AKAP9: variants seen among roughly 807,000 people sequenced by gnomAD.
AKAP9 encodes A-kinase anchoring protein 9, also known as A-kinase anchor protein 9.
In AKAP9, 311 loss-of-function variants were observed where a neutral mutation model predicts 488.5. That is an observed-to-expected ratio of 0.64 (90% confidence interval 0.58 to 0.70). The LOEUF (loss-of-function observed/expected upper bound fraction) is 0.70, where lower values mean the gene tolerates loss of function less well. AKAP9 is among the 30% of genes least tolerant of loss of function. The probability of loss-of-function intolerance (pLI) is 0.00; values close to 1 mark genes in which losing one functional copy is unlikely to be tolerated. For synonymous variants in AKAP9, 1,462 were observed against 1,483.5 expected (o/e 0.99, Z 0.33); for missense variants, 4,215 against 4,374.5 (o/e 0.96, Z 1.03).
chr7:91,973,257 C>T (rs1795299670), intron 1 of AKAP9, among the ~76,000 whole-genome samples: 1 of 152,126 alleles, frequency 6.6e-6, no homozygotes, highest in Non-Finnish European at 1.5e-5. Context: ...TGACATGTTC[C>T]TGTAGTCCCA....
At chr7:92,008,713 G>A (rs1439480516) in intron 8 of AKAP9, among the ~76,000 whole-genome samples, 7 of 151,130 alleles carry the variant, frequency 4.6e-5, no homozygotes, top group East Asian at 2.0e-4. Context: ...TGGGCCAGGC[G>A]CGGTGGCTCA....
At chr7:92,043,393 T>A (rs1806434519) in intron 20 of AKAP9, 1 of 886,900 alleles carries the variant, frequency 1.1e-6, no homozygotes, top group Non-Finnish European at 1.4e-6. Flanking sequence ...AAAATTAGAG[T>A]TACCACGGCA....
intron 29 of AKAP9, among the ~76,000 whole-genome samples, chr7:92,077,333 C>T (rs992123490): frequency 2.4e-4 from 37 of 151,830 alleles, no homozygotes; most frequent in African/African-American, 8.0e-4. Context: ...CCTCGTGATC[C>T]GCCTGTCTTG....
rs2130776645 is a variant in AKAP9 at position 92,038,532 on chromosome 7, A to G, written c.4452A>G (p.Glu1484=). ...SKQAHAVCQQ[E]QHYFNEMKLS... is the part of the protein sequence containing the mutation. The stretch of plus-strand genomic sequence containing the variant: ...AAGCACATGCTGTGTGTCAGCAAGA[A>G]CAACATTATTTTAATGAAATGAAAT... Residue 1484 remains glutamate, a synonymous_variant, in exon 17 of 50, where the codon GAA becomes GAG. Transcript: ENST00000356239. 2 of 1,613,924 alleles carry G rather than the reference A, an allele frequency of 1.2e-6. No individual in the cohort carries two copies. Among genetic ancestry groups the G allele is most frequent in the East Asian group, 2.2e-5 (1 of 44,810 alleles).
chr7:92,092,054 A>G (rs1232231959), intron 38 of AKAP9: 2 of 152,198 alleles, frequency 1.3e-5, no homozygotes, highest in Non-Finnish European at 2.9e-5. Context: ...TGAATCACCT[A>G]AATCCTAAAA....
Position 92,083,650 on chromosome 7 carries a change from A to G in AKAP9, c.8641A>G (p.Lys2881Glu). 6.2e-7 allele frequency: 1 copy of G among 1,611,208 alleles called. No individual in the cohort carries two copies. The highest frequency in any genetic ancestry group is 1.1e-5 in the South Asian group (1 of 90,116). ...GGCAGTGATACAGTGTCTGAGAAGT[A>G]AAGAGGTATTTGGTTTTTATAATAT... The part of the protein sequence containing the change: ...LKAVIQCLRS[K>E]EGSSIPELAH... Residue 2881 changes from lysine (K) to glutamate (E), a missense_variant, in exon 33 of 50, where the codon AAA becomes GAA. Physicochemically the swap from Lys to Glu is moderately conservative, Grantham distance 56 (BLOSUM62 1). Coordinates refer to ENST00000356239, the MANE Select transcript of AKAP9 (RefSeq NM_005751.5).
At chr7:92,044,086 A>G (rs888293067) in intron 20 of AKAP9, among the ~76,000 whole-genome samples, 34 of 152,160 alleles carry the variant, frequency 2.2e-4, no homozygotes, top group African/African-American at 8.2e-4. Flanking sequence ...GTACAAAAAC[A>G]CTTTGTTCGG....
At chr7:92,012,357 CA>C (rs920076516) in intron 8 of AKAP9, 71 bp from the exon 9 acceptor site, 46 of 1,391,946 alleles carry the variant, frequency 3.3e-5, no homozygotes, top group Non-Finnish European at 4.0e-5. Context: ...TCAGTATATG[CA>C]AAAAAAAGAA....
chr7:92,028,295 T>TAAAAAAAAAAAAAAAA (rs57352733), intron 14 of AKAP9, among the ~76,000 whole-genome samples: 1 of 65,058 alleles, frequency 1.5e-5, no homozygotes, highest in Non-Finnish European at 2.6e-5. Flanking sequence ...CAATAAATAC[T>TAAAAAAAAAAAAAAAA]AAAAAAAAAA....
At chr7:92,000,058 C>A (rs1250819050) in intron 7 of AKAP9, among the ~76,000 whole-genome samples, 1 of 152,210 alleles carries the variant, frequency 6.6e-6, no homozygotes, top group African/African-American at 2.4e-5. Context: ...GACCTAGGGC[C>A]TCTGCTTGAC....
At chr7:92,093,448 A>C in intron 39 of AKAP9, 132 bp downstream of exon 39, 1 of 786,464 alleles carries the variant, frequency 1.3e-6, no homozygotes, top group Non-Finnish European at 2.1e-6. Flanking sequence ...TTTAGGAAAA[A>C]CTATAATAGA....
chr7:91,997,554 T>C (rs967270626), intron 7 of AKAP9, among the ~76,000 whole-genome samples: 2 of 151,932 alleles, frequency 1.3e-5, no homozygotes, highest in Admixed American at 1.3e-4. Context: ...TTAGATAGAG[T>C]GTGGAGTAGG....
rs753111193 is a variant in AKAP9 at position 92,070,124 on chromosome 7, GGAAT to G, written c.6429_6432del (p.Asn2143LysfsTer3). ...CAGCTTCAAAGGGATATACAAGAAA[GGAAT>G]GAAGAAATAGAGAAACTGGAGTTCA... is the stretch of plus-strand genomic sequence containing the variant. On this transcript the variant is annotated frameshift_variant, in exon 27 of 50. Transcript: ENST00000356239. LOFTEE classifies it high-confidence loss of function. 4 of 1,614,032 alleles carry G rather than the reference GGAAT, an allele frequency of 2.5e-6. No homozygotes were observed. Among genetic ancestry groups the G allele is most frequent in the Non-Finnish European group, 3.4e-6 (4 of 1,179,998 alleles).
chr7:92,068,630 T>C (rs1342360082), intron 26 of AKAP9, among the ~76,000 whole-genome samples: 2 of 152,048 alleles, frequency 1.3e-5, no homozygotes, highest in Non-Finnish European at 2.9e-5. Context: ...ACCATTTTAT[T>C]GTACCTACAT....
intron 1 of AKAP9, among the ~76,000 whole-genome samples, chr7:91,946,335 A>G (rs1363654502): frequency 3.3e-5 from 5 of 152,202 alleles, no homozygotes; most frequent in Middle Eastern, 3.4e-3. Context: ...TAGCTTCATC[A>G]ACATTTATTG....
chr7:92,057,396 A>G (rs952895376), intron 22 of AKAP9, among the ~76,000 whole-genome samples: 1 of 152,114 alleles, frequency 6.6e-6, no homozygotes, highest in South Asian at 2.1e-4. Flanking sequence ...TATCTTACAA[A>G]CATTATAAAC....
chr7:91,952,948 T>C (rs1259404101), intron 1 of AKAP9, among the ~76,000 whole-genome samples: 1 of 152,156 alleles, frequency 6.6e-6, no homozygotes, highest in Non-Finnish European at 1.5e-5. Flanking sequence ...GCCTCCTGAC[T>C]GAGGACTACA....
At position 91,993,001 on chromosome 7, in the gene AKAP9, A is replaced by G; in HGVS notation, c.522A>G (p.Leu174=). ...LAGKQHEIEE[L]NRELEEMRVT... Reference sequence around the variant, plus strand: ...GGAAGCAGCATGAGATTGAAGAGCTAAACAGAGAGCTGGAAGAAATGAGGG... The same window carrying G: ...GGAAGCAGCATGAGATTGAAGAGCTGAACAGAGAGCTGGAAGAAATGAGGG... Residue 174 remains leucine, a synonymous_variant, in exon 5 of 50, where the codon CTA becomes CTG. Transcript: ENST00000356239. 1 of 1,614,082 alleles carries G rather than the reference A, an allele frequency of 6.2e-7. No individual in the cohort carries two copies. Among genetic ancestry groups the G allele is most frequent in the African/African-American group, 1.3e-5 (1 of 75,042 alleles).
rs1017919431 is a variant in AKAP9, at chr7:92,029,933, C to G, written c.4187C>G (p.Ala1396Gly). Residue 1396 changes from alanine (A) to glycine (G), a missense_variant, in exon 15 of 50, where the codon GCA becomes GGA. Around this residue, in one of 5 missense-constraint regions of AKAP9, gnomAD observed 2,361 missense variants for 2,430.0 expected, o/e 0.97. Coordinates refer to ENST00000356239, the MANE Select transcript of AKAP9 (RefSeq NM_005751.5). ...TCGGTGGTAATTACAGAATCTGATGCACAGAGAACAATGTACCCTGGAAGT... is the reference window on the plus strand; with the variant it reads ...TCGGTGGTAATTACAGAATCTGATGGACAGAGAACAATGTACCCTGGAAGT... Reference protein sequence around the residue: ...VDSVVITESDAQRTMYPGSCV... With the variant: ...VDSVVITESDGQRTMYPGSCV... 6.2e-7 allele frequency: 1 copy of G among 1,612,988 alleles called. No individual in the cohort carries two copies. The highest frequency in any genetic ancestry group is 1.1e-5 in the South Asian group (1 of 91,040).
Sources: gnomAD v4.1 joint callset for allele counts (sites outside exome capture counted in the v4.1 genomes callset) on GRCh38, gnomAD v4.1.1 for gene constraint, gnomAD v4.1.1 regional missense constraint, MANE v1.5 for transcripts, NCBI Gene and HGNC (gene_info 2026-07-23, HGNC 2026-07-21) for gene names.